The following KCNE2 variants were observed in gnomAD, a reference collection of about 807,000 sequenced individuals.
KCNE2 encodes the protein potassium voltage-gated channel subfamily E regulatory subunit 2.
In KCNE2, 4 loss-of-function variants were observed where a neutral mutation model predicts 4.5. The ratio of observed to expected loss-of-function variants is 0.89; its 90% confidence interval spans 0.44 to 2.03. The LOEUF (loss-of-function observed/expected upper bound fraction) is 2.03, where lower values mean the gene tolerates loss of function less well. Ranked by LOEUF, KCNE2 falls within the 30% of genes most tolerant of loss-of-function variation. KCNE2 has a pLI of 0.03. For synonymous variants in KCNE2, 57 were observed against 55.9 expected (o/e 1.02, Z -0.09); for missense variants, 137 against 151.4 (o/e 0.90, Z 0.50).
intron 1 of KCNE2, among the ~76,000 whole-genome samples, chr21:34,366,414 G>C (rs1222228848): frequency 2.2e-5 from 3 of 137,652 alleles, no homozygotes; most frequent in African/African-American, 8.4e-5. Context: ...AAGAATCACT[G>C]TTCTGGTAGT....
intron 1 of KCNE2, among the ~76,000 whole-genome samples, chr21:34,364,677 G>A (rs1979217540): frequency 1.3e-5 from 2 of 152,142 alleles, no homozygotes; most frequent in South Asian, 2.1e-4. Context: ...GGAAGCTGAG[G>A]CAGGAGAACG....
chr21:34,370,677 A>G lies in KCNE2; in HGVS notation c.199A>G (p.Ile67Val). ...IGMFSFIIVA[I>V]LVSTVKSKRR... ...AATGTTCTCTTTCATCATCGTGGCC[A>G]TCCTGGTGAGCACTGTGAAATCCAA... The change falls in exon 2 of 2, where the codon ATC (isoleucine) becomes GTC (valine). Residue 67 changes from isoleucine (I) to valine (V), a missense_variant. Coordinates refer to ENST00000290310, the MANE Select transcript of KCNE2 (RefSeq NM_172201.2). 6.2e-7 allele frequency: 1 copy of G among 1,614,234 alleles called. No individual in the cohort carries two copies. The highest frequency in any genetic ancestry group is 8.5e-7 in the Non-Finnish European group (1 of 1,180,048).
chr21:34,365,649 T>C (rs1219524400), intron 1 of KCNE2, among the ~76,000 whole-genome samples: 2 of 152,234 alleles, frequency 1.3e-5, no homozygotes, highest in African/African-American at 4.8e-5. Flanking sequence ...GATCTCGAAC[T>C]CCTGGGTTCA....
At chr21:34,365,203 AG>A (rs1979240927) in intron 1 of KCNE2, among the ~76,000 whole-genome samples, 1 of 152,170 alleles carries the variant, frequency 6.6e-6, no homozygotes, top group African/African-American at 2.4e-5. Flanking sequence ...AATGATCTCC[AG>A]GGGCCCAGCC....
rs1377228658 is a variant in KCNE2 at position 34,370,814 on chromosome 21, G to A, written c.336G>A (p.Glu112=). The change falls in exon 2 of 2, where the codon GAG becomes GAA. Residue 112 remains glutamate, a synonymous_variant. Transcript: ENST00000290310. ...AAGAATCGAAGGCCACCATCCATGA[G>A]AACATTGGTGCGGCTGGGTTCAAAA... ...NLEESKATIH[E]NIGAAGFKMS... 2 of 1,614,076 alleles carry A rather than the reference G, an allele frequency of 1.2e-6. No homozygotes were observed. Among genetic ancestry groups the A allele is most frequent in the Non-Finnish European group, 1.7e-6 (2 of 1,180,040 alleles).
rs1207420946 is a variant in KCNE2, at chr21:34,371,096, G to A, written c.*246G>A. ...TCTTTTACTTTCCGGGCAAGTGAAT[G>A]TCATTTTAATCAATATCAATGATGA... On this transcript the variant is annotated 3_prime_UTR_variant, in exon 2 of 2. Transcript: ENST00000290310. 3.6e-6 allele frequency: 2 copies of A among 561,286 alleles called. No homozygotes were observed. The highest frequency in any genetic ancestry group is 1.9e-5 in the African/African-American group (1 of 52,976). The allele number at this position is 561,286 out of a possible 1,614,324, so 34.8% of individuals were successfully genotyped here.
At chr21:34,365,786 A>G (rs1979264684) in intron 1 of KCNE2, among the ~76,000 whole-genome samples, 3 of 152,238 alleles carry the variant, frequency 2.0e-5, no homozygotes, top group African/African-American at 7.2e-5. Context: ...AAAAATTGAA[A>G]TCAACCCACT....
rs554142382 is a variant in KCNE2 at position 34,371,241 on chromosome 21, T to C, written c.*391T>C. ...CATCATTTGTGTGTGACAAATTCAATTTATAAATAACCCAGATGTATTATG... is the reference window on the plus strand; with the variant it reads ...CATCATTTGTGTGTGACAAATTCAACTTATAAATAACCCAGATGTATTATG... On this transcript the variant is annotated 3_prime_UTR_variant, in exon 2 of 2. Coordinates refer to ENST00000290310, the MANE Select transcript of KCNE2 (RefSeq NM_172201.2). The C allele has an allele frequency of 1.4e-5, 4 of 284,652 alleles. No individual in the cohort carries two copies. In the East Asian group the frequency reaches 3.8e-4, roughly 27 times the overall value. The allele number at this position is 284,652 out of a possible 1,614,324, so 17.6% of individuals were successfully genotyped here. A position where few individuals can be genotyped will look rare whatever the true frequency, so the allele number is the denominator to read the frequency against.
intron 1 of KCNE2, among the ~76,000 whole-genome samples, chr21:34,368,692 C>G (rs185208447): frequency 5.2e-4 from 79 of 152,288 alleles, no homozygotes; most frequent in Admixed American, 5.0e-3. Flanking sequence ...TATAAAAAAG[C>G]ACACGTATAT....
At chr21:34,365,075 G>T (rs1979236581) in intron 1 of KCNE2, among the ~76,000 whole-genome samples, 1 of 152,172 alleles carries the variant, frequency 6.6e-6, no homozygotes, top group South Asian at 2.1e-4. Flanking sequence ...CACTGGCTTG[G>T]GTGATGTGAG....
chr21:34,367,395 C>G (rs1979356454), intron 1 of KCNE2, among the ~76,000 whole-genome samples: 1 of 152,160 alleles, frequency 6.6e-6, no homozygotes, highest in Non-Finnish European at 1.5e-5. Flanking sequence ...ACTTTCACAG[C>G]AGACTATATC....
rs1002121285 is a variant in KCNE2, at chr21:34,368,595, G to A, written c.-12-1872G>A. Reference sequence around the variant, plus strand: ...AGCCTGGGTGACAGAGCGAGACTCCGTCTCAAAAAAACAAAAAATTTTTGC... The same window carrying A: ...AGCCTGGGTGACAGAGCGAGACTCCATCTCAAAAAAACAAAAAATTTTTGC... On this transcript the variant is annotated intron_variant, in intron 1 of 1. Coordinates refer to ENST00000290310, the MANE Select transcript of KCNE2 (RefSeq NM_172201.2). Among the ~76,000 whole-genome samples the A allele has an allele frequency of 5.3e-4, 81 of 152,102 alleles. 1 individual carries two copies. The highest frequency in any genetic ancestry group is 1.9e-3 in the African/African-American group (79 of 41,478).
At chr21:34,369,247 C>T (rs1211216699) in intron 1 of KCNE2, among the ~76,000 whole-genome samples, 1 of 152,128 alleles carries the variant, frequency 6.6e-6, no homozygotes, top group Non-Finnish European at 1.5e-5. Context: ...ACTATAATTT[C>T]CCTCTTCAAA....
chr21:34,366,974 CA>C (rs747133749), intron 1 of KCNE2, among the ~76,000 whole-genome samples: 144 of 14,812 alleles, frequency 9.7e-3, no homozygotes, highest in East Asian at 0.025. Context: ...GACTCCATCT[CA>C]AAAAAAAAAA....
At chr21:34,370,441 C>T (rs533646643) in intron 1 of KCNE2, 26 bp from the exon 2 acceptor site, 9 of 1,614,056 alleles carry the variant, frequency 5.6e-6, no homozygotes, top group South Asian at 3.3e-5. Context: ...TAACCTTGTT[C>T]GCCTATTTTA....
intron 1 of KCNE2, among the ~76,000 whole-genome samples, chr21:34,366,482 T>G (rs1329086414): frequency 1.3e-5 from 2 of 151,962 alleles, no homozygotes; most frequent in African/African-American, 4.8e-5. Context: ...TCAACAGATT[T>G]TTAGTAAAGA....
intron 1 of KCNE2, among the ~76,000 whole-genome samples, chr21:34,366,941 T>C (rs1224048775): frequency 8.5e-6 from 1 of 117,150 alleles, no homozygotes; most frequent in Admixed American, 1.3e-4. Context: ...ATCGCGCCAC[T>C]GCACTCCAGC....
intron 1 of KCNE2, among the ~76,000 whole-genome samples, chr21:34,365,121 T>C (rs1247469317): frequency 6.6e-6 from 1 of 152,166 alleles, no homozygotes; most frequent in African/African-American, 2.4e-5. Context: ...TTGAGAGGCT[T>C]GTGATCTTGG....
intron 1 of KCNE2, among the ~76,000 whole-genome samples, chr21:34,369,822 T>C (rs1465734641): frequency 1.3e-5 from 2 of 152,246 alleles, no homozygotes; most frequent in Admixed American, 6.5e-5. Flanking sequence ...TTTAGGATAC[T>C]TGGGACAATG....
Sources: allele counts gnomAD v4.1 joint callset (sites outside exome capture counted in the v4.1 genomes callset), GRCh38; gene constraint gnomAD v4.1.1; transcripts MANE v1.5; gene names NCBI Gene and HGNC (gene_info 2026-07-23, HGNC 2026-07-21).